Variants in LAMA1 observed in about 807,000 individuals in gnomAD.
The protein encoded by LAMA1 is laminin subunit alpha-1.
Under a neutral mutation model 348.7 loss-of-function variants are expected in LAMA1, and 219 were observed. The observed-to-expected ratio is 0.63, with a 90% confidence interval of 0.56 to 0.70. The LOEUF (loss-of-function observed/expected upper bound fraction) is 0.70. Among genes scored for constraint, LAMA1 ranks in the 30% least tolerant of loss-of-function variants. LAMA1 has a pLI of 0.00. For synonymous variants in LAMA1, 1,487 were observed against 1,491.0 expected (o/e 1.00, Z 0.06); for missense variants, 3,744 against 3,888.0 (o/e 0.96, Z 0.99).
At chr18:7,037,892 G>A (rs2058002669) in intron 11 of LAMA1, 141 bp from the exon 12 acceptor site, 3 of 821,132 alleles carry the variant, frequency 3.7e-6, no homozygotes, top group Non-Finnish European at 6.0e-6. Flanking sequence ...ACCTGTGGCT[G>A]CTGAACCTCA....
At chr18:6,959,764 G>C (rs1600350438) in intron 53 of LAMA1, 1 of 418,232 alleles carries the variant, frequency 2.4e-6, no homozygotes, top group East Asian at 5.3e-5. Flanking sequence ...TGCTACATTA[G>C]ATACCAATAA....
intron 42 of LAMA1, 70 bp from the exon 43 acceptor site, chr18:6,978,448 A>C: frequency 7.3e-7 from 1 of 1,369,774 alleles, no homozygotes. Flanking sequence ...AAACGACAAC[A>C]AATGTAATTT....
Position 6,999,500 on chromosome 18 carries a change from C to T in LAMA1, c.4608G>A (p.Gly1536=). 6.2e-7 allele frequency: 1 copy of T among 1,614,088 alleles called. No homozygotes were observed. The highest frequency in any genetic ancestry group is 8.5e-7 in the Non-Finnish European group (1 of 1,180,024). The change falls in exon 32 of 63, where the codon GGG becomes GGA. Residue 1536 remains glycine (G), a synonymous_variant. Coordinates refer to ENST00000389658, the MANE Select transcript of LAMA1 (RefSeq NM_005559.4). The part of the protein sequence containing the change: ...GQCVCRLGAS[G]LRCDECEPRH... The stretch of plus-strand genomic sequence containing the variant: ...TCGGTTCACACTCATCGCACCGGAG[C>T]CCCGAGGCCCCCAGCCTGCAAACGC...
intron 3 of LAMA1, among the ~76,000 whole-genome samples, chr18:7,077,386 T>A (rs12968268): frequency 2.0e-5 from 3 of 151,580 alleles, no homozygotes; most frequent in African/African-American, 7.3e-5. Context: ...GTATCTTTTT[T>A]AGTAGAGACG....
At chr18:7,073,503 T>C (rs1042064424) in intron 3 of LAMA1, among the ~76,000 whole-genome samples, 8 of 152,206 alleles carry the variant, frequency 5.3e-5, no homozygotes, top group African/African-American at 1.9e-4. Flanking sequence ...AATTGATTCA[T>C]ATAATATTTC....
chr18:7,069,143 T>C (rs2058135597), intron 3 of LAMA1, among the ~76,000 whole-genome samples: 1 of 152,198 alleles, frequency 6.6e-6, no homozygotes, highest in Admixed American at 6.5e-5. Context: ...CTCTGCCAAA[T>C]GGCAAAATGG....
intron 37 of LAMA1, 30 bp from the exon 38 acceptor site, chr18:6,985,673 T>C (rs577697971): frequency 7.5e-6 from 11 of 1,471,768 alleles, no homozygotes; most frequent in African/African-American, 2.8e-5. Flanking sequence ...TTAAGGGTGC[T>C]TCATAAAAGC....
At chr18:7,093,503 G>A (rs1568065091) in intron 1 of LAMA1, among the ~76,000 whole-genome samples, 2 of 152,104 alleles carry the variant, frequency 1.3e-5, no homozygotes, top group Non-Finnish European at 2.9e-5. Context: ...GTTTAGTAGG[G>A]ATCAATACAG....
rs1355403708 is a variant in LAMA1, at chr18:7,007,144, A to G, written c.4255T>C (p.Cys1419Arg). ...ACCCCCACAAACCAGCATACCAGAC[A>G]CTTCCCGGTGTTGGGGTCACAGGTG... ...SDTCDPNTGK[C>R]LNCGDNTAGD... The change falls in exon 29 of 63, where the codon TGT becomes CGT. Residue 1419 changes from cysteine (C) to arginine (R), a missense_variant. Physicochemically the swap from Cys to Arg is radical, Grantham distance 180 (BLOSUM62 -3). This residue lies in a region of LAMA1 where 1,983 missense variants were observed against 1,934.3 expected (regional missense o/e 1.03). Transcript: ENST00000389658. 1.9e-6 allele frequency: 3 copies of G among 1,614,052 alleles called. No individual in the cohort carries two copies. The highest frequency in any genetic ancestry group is 2.5e-6 in the Non-Finnish European group (3 of 1,180,010).
chr18:7,116,994 G>A (rs1004544849), intron 1 of LAMA1, among the ~76,000 whole-genome samples: 2 of 152,052 alleles, frequency 1.3e-5, no homozygotes, highest in Non-Finnish European at 2.9e-5. Flanking sequence ...GTGAATGAGC[G>A]GGTTTGGCCA....
At chr18:7,030,016 T>C (rs566994216) in intron 16 of LAMA1, among the ~76,000 whole-genome samples, 28 of 152,008 alleles carry the variant, frequency 1.8e-4, no homozygotes, top group African/African-American at 6.3e-4. Context: ...AACAGATATA[T>C]GATGCTACCA....
Position 6,985,635 on chromosome 18 carries a change from CT to C in LAMA1, c.5387del (p.Lys1796SerfsTer10), listed in dbSNP as rs1168596279. 6.2e-7 allele frequency: 1 copy of C among 1,611,008 alleles called. No individual in the cohort carries two copies. The highest frequency in any genetic ancestry group is 2.2e-5 in the East Asian group (1 of 44,848). ...NANLREFSDK[K>X]LHVQEEQNLT... ...GATTTTGTTCTTCTTGAACATGCAG[CT>C]TTTTATCCTGCAGCAGAAACGGCAT... On this transcript the variant is annotated frameshift_variant, in exon 38 of 63. Coordinates refer to ENST00000389658, the MANE Select transcript of LAMA1 (RefSeq NM_005559.4). LOFTEE classifies it high-confidence loss of function.
At chr18:7,094,317 G>A (rs1208210322) in intron 1 of LAMA1, among the ~76,000 whole-genome samples, 7 of 151,464 alleles carry the variant, frequency 4.6e-5, no homozygotes, top group Admixed American at 1.3e-4. Flanking sequence ...CCAGCTACTC[G>A]GGAGGCTGAG....
rs964755670 is a variant in LAMA1, at chr18:7,092,805, A to G, written c.62-12348T>C. Among the ~76,000 whole-genome samples, 25 of 152,134 alleles carry G rather than the reference A, an allele frequency of 1.6e-4. 1 individual carries two copies. Among genetic ancestry groups the G allele is most frequent in the Middle Eastern group, 3.4e-3 (1 of 294 alleles). On this transcript the variant is annotated intron_variant, in intron 1 of 62. Transcript: ENST00000389658. ...GTCTCCACGCTACATATATCATGCT[A>G]CATACATACATCATACATCATAATA... is the stretch of plus-strand genomic sequence containing the variant.
chr18:7,116,683 G>C (rs2058357769), intron 1 of LAMA1, among the ~76,000 whole-genome samples: 1 of 152,158 alleles, frequency 6.6e-6, no homozygotes, highest in Non-Finnish European at 1.5e-5. Context: ...ACAAATATTT[G>C]TGACTGCCTA....
chr18:7,020,571 C>A lies in LAMA1; in HGVS notation c.2701+2593G>T, dbSNP rs116558061. 6.3e-3 allele frequency among the ~76,000 whole-genome samples: 960 copies of A among 152,188 alleles called. 10 individuals are homozygous for A. Among genetic ancestry groups the A allele is most frequent in the African/African-American group, 0.022 (915 of 41,526 alleles). ...TTTGTCTCATCGAAGCGAGGGGATG[C>A]GAGAGAAGGGATGAGAAAGGATAAA... On this transcript the variant is annotated intron_variant, in intron 19 of 62. Transcript: ENST00000389658.
At chr18:7,030,445 A>G (rs956933954) in intron 16 of LAMA1, among the ~76,000 whole-genome samples, 11 of 152,102 alleles carry the variant, frequency 7.2e-5, no homozygotes, top group Non-Finnish European at 1.5e-4. Context: ...ATCCTACAAA[A>G]AAAAGGAGCA....
intron 3 of LAMA1, among the ~76,000 whole-genome samples, chr18:7,067,096 G>T (rs775448827): frequency 1.3e-5 from 2 of 152,128 alleles, no homozygotes; most frequent in Non-Finnish European, 2.9e-5. Flanking sequence ...GAAGAAATTG[G>T]TAGCACCTGG....
intron 19 of LAMA1, among the ~76,000 whole-genome samples, chr18:7,019,775 A>C (rs921386647): frequency 1.3e-4 from 18 of 138,024 alleles, no homozygotes; most frequent in Non-Finnish European, 2.4e-4. Context: ...TCCGCCTCCC[A>C]GGCTCAAGTG....
Sources: allele counts gnomAD v4.1 joint callset (sites outside exome capture counted in the v4.1 genomes callset), GRCh38; gene constraint gnomAD v4.1.1; regional missense constraint gnomAD v4.1.1; transcripts MANE v1.5; gene names NCBI Gene and HGNC (gene_info 2026-07-23, HGNC 2026-07-21).